ASXL2: variants seen among roughly 807,000 people sequenced by gnomAD.
ASXL2 encodes the protein ASXL transcriptional regulator 2.
ASXL2 carries 23 observed loss-of-function variants against 122.0 expected under a neutral mutation model. That is an observed-to-expected ratio of 0.19 (90% CI 0.14 to 0.27). The LOEUF (loss-of-function observed/expected upper bound fraction) is 0.27, where lower values mean the gene tolerates loss of function less well. ASXL2 is among the 10% of genes least tolerant of loss of function. The pLI is 1.00. For synonymous variants in ASXL2, 650 were observed against 637.0 expected (o/e 1.02, Z -0.31); for missense variants, 1,518 against 1,713.8 (o/e 0.89, Z 2.02).
At chr2:25,818,689 A>T (rs2089270499) in intron 3 of ASXL2, among the ~76,000 whole-genome samples, 1 of 152,188 alleles carries the variant, frequency 6.6e-6, no homozygotes, top group African/African-American at 2.4e-5. Flanking sequence ...TCCTCACAGT[A>T]AAATTCCAAC....
intron 3 of ASXL2, 83 bp downstream of exon 3, chr2:25,835,455 T>A (rs2089499031): frequency 4.8e-6 from 1 of 208,792 alleles, no homozygotes; most frequent in Admixed American, 5.5e-5. Flanking sequence ...AACTCATGCA[T>A]CCAAAGGTAA....
Position 25,878,282 on chromosome 2 carries a change from T to G in ASXL2, c.-60A>C, listed in dbSNP as rs2090027416. ...CCGGGCTCCGGCCGCCCTCCCTGCC[T>G]GCTCTGCCCTGCGCTGCTTTTCCCG... On this transcript the variant is annotated 5_prime_UTR_variant, in exon 1 of 13. Coordinates refer to ENST00000435504, the MANE Select transcript of ASXL2 (RefSeq NM_018263.6). The G allele has an allele frequency of 1.9e-6, 3 of 1,562,644 alleles. No individual in the cohort carries two copies. Among genetic ancestry groups the G allele is most frequent in the Admixed American group, 3.4e-5 (2 of 59,606 alleles).
chr2:25,860,168 G>C (rs190568740), intron 1 of ASXL2, among the ~76,000 whole-genome samples: 1 of 151,930 alleles, frequency 6.6e-6, no homozygotes, highest in African/African-American at 2.4e-5. Context: ...AAAATTAACC[G>C]GGCATGGTGG....
chr2:25,789,817 C>T (rs72799698), intron 5 of ASXL2, among the ~76,000 whole-genome samples: 6,440 of 152,138 alleles, frequency 0.042, 210 homozygotes, highest in African/African-American at 0.08. Flanking sequence ...GTACTTCATC[C>T]ATATATATTA....
At chr2:25,762,038 C>CA (rs914554668) in intron 8 of ASXL2, among the ~76,000 whole-genome samples, 11 of 150,524 alleles carry the variant, frequency 7.3e-5, no homozygotes, top group East Asian at 3.9e-4. Flanking sequence ...AAACAAAATA[C>CA]AAAAAAAAGA....
chr2:25,774,726 G>A (rs984450789), intron 5 of ASXL2, among the ~76,000 whole-genome samples: 8 of 152,172 alleles, frequency 5.3e-5, no homozygotes, highest in African/African-American at 1.9e-4. Context: ...TGTAGTAGCG[G>A]AATTGTGTTT....
intron 6 of ASXL2, among the ~76,000 whole-genome samples, chr2:25,769,677 A>G (rs1486085755): frequency 1.3e-5 from 2 of 152,058 alleles, no homozygotes; most frequent in Admixed American, 1.3e-4. Context: ...AAAAAAAAAA[A>G]AGAAAAAGAA....
At chr2:25,867,712 C>T (rs929666540) in intron 1 of ASXL2, among the ~76,000 whole-genome samples, 8 of 152,160 alleles carry the variant, frequency 5.3e-5, no homozygotes, top group South Asian at 2.1e-4. Flanking sequence ...TTGGCCCAAC[C>T]GACCTTTTCT....
At chr2:25,793,021 G>T (rs950984946) in intron 5 of ASXL2, among the ~76,000 whole-genome samples, 2 of 151,944 alleles carry the variant, frequency 1.3e-5, no homozygotes, top group Non-Finnish European at 2.9e-5. Flanking sequence ...GGGAAGCTGA[G>T]GCGGGCAGAT....
intron 5 of ASXL2, among the ~76,000 whole-genome samples, chr2:25,774,193 A>C (rs1237662275): frequency 2.0e-5 from 3 of 152,106 alleles, no homozygotes; most frequent in Non-Finnish European, 4.4e-5. Flanking sequence ...TATTCTGTAC[A>C]CCAAGCCCCC....
intron 5 of ASXL2, among the ~76,000 whole-genome samples, chr2:25,775,465 C>T (rs535369207): frequency 7.2e-5 from 11 of 152,210 alleles, no homozygotes; most frequent in African/African-American, 1.9e-4. Context: ...CACGTGTCAG[C>T]GGAGTGACCT....
intron 5 of ASXL2, among the ~76,000 whole-genome samples, chr2:25,774,185 T>C (rs983743926): frequency 6.6e-6 from 1 of 152,056 alleles, no homozygotes; most frequent in African/African-American, 2.4e-5. Flanking sequence ...TGACAAAGTA[T>C]TCTGTACACC....
chr2:25,858,326 G>A (rs1239528884), intron 1 of ASXL2, among the ~76,000 whole-genome samples: 1 of 151,890 alleles, frequency 6.6e-6, no homozygotes, highest in Non-Finnish European at 1.5e-5. Context: ...ATGACAAAAT[G>A]GCCTCTCCAT....
intron 8 of ASXL2, among the ~76,000 whole-genome samples, chr2:25,764,609 G>A (rs908663432): frequency 6.6e-5 from 10 of 152,132 alleles, no homozygotes; most frequent in African/African-American, 2.2e-4. Flanking sequence ...GATAAAGGTA[G>A]GTGGCTACCA....
At chr2:25,843,323 G>T (rs1404798828) in intron 2 of ASXL2, among the ~76,000 whole-genome samples, 4 of 142,960 alleles carry the variant, frequency 2.8e-5, no homozygotes, top group South Asian at 2.2e-4. Flanking sequence ...AAAAAAAATA[G>T]AGACGGGGTT....
chr2:25,741,962 C>A lies in ASXL2; in HGVS notation c.*67G>T. ...GTTTATTTCTGTGATTCCAAAAGGA[C>A]GCAAAAAACCCAACTGGTCAACCCT... On this transcript the variant is annotated 3_prime_UTR_variant, in exon 13 of 13. Transcript: ENST00000435504. The A allele has an allele frequency of 1.4e-6, 2 of 1,461,294 alleles. No individual in the cohort carries two copies. Among genetic ancestry groups the A allele is most frequent in the Non-Finnish European group, 1.9e-6 (2 of 1,079,558 alleles). The allele number at this position is 1,461,294 out of a possible 1,614,324, so 90.5% of individuals were successfully genotyped here.
intron 2 of ASXL2, 29 bp downstream of exon 2, chr2:25,845,452 T>C: frequency 1.5e-6 from 2 of 1,378,174 alleles, no homozygotes; most frequent in Non-Finnish European, 1.9e-6. Context: ...AGTATTATAA[T>C]TATTACTAAA....
At chr2:25,753,498 T>C (rs780675367) in intron 11 of ASXL2, 36 bp downstream of exon 11, 99 of 1,515,680 alleles carry the variant, frequency 6.5e-5, no homozygotes, top group Non-Finnish European at 7.9e-5. Flanking sequence ...TATGTAGGAA[T>C]TAACATTTGG....
Position 25,749,957 on chromosome 2 carries a change from A to G in ASXL2, c.1599T>C (p.Val533=). 1 of 1,613,878 alleles carries G rather than the reference A, an allele frequency of 6.2e-7. No homozygotes were observed. ...CTGTGGGCTTCACTATTGGTTTTTCAACCCCAGGACTCTTGGGTTTGCTTG... is the reference window on the plus strand; with the variant it reads ...CTGTGGGCTTCACTATTGGTTTTTCGACCCCAGGACTCTTGGGTTTGCTTG... ...TSPSKPKSPG[V]EKPIVKPTAG... Residue 533 remains valine (V), a synonymous_variant, in exon 12 of 13, where the codon GTT becomes GTC. Transcript: ENST00000435504.
Sources: allele counts gnomAD v4.1 joint callset (sites outside exome capture counted in the v4.1 genomes callset), GRCh38; gene constraint gnomAD v4.1.1; transcripts MANE v1.5; gene names NCBI Gene and HGNC (gene_info 2026-07-23, HGNC 2026-07-21).